OPCML: variants seen among roughly 807,000 people sequenced by gnomAD.
OPCML encodes the protein opioid-binding protein/cell adhesion molecule.
OPCML carries 13 observed loss-of-function variants against 37.8 expected under a neutral mutation model. The observed-to-expected ratio is 0.34, with a 90% CI of 0.22 to 0.55. The LOEUF (loss-of-function observed/expected upper bound fraction) is 0.55, where lower values mean the gene tolerates loss of function less well. Ranked by LOEUF, OPCML falls within the 20% of genes least tolerant of loss-of-function variation. The pLI is 0.91. For missense variants in OPCML, 341 were observed against 435.6 expected, an observed-to-expected ratio of 0.78 and a Z score of 1.93; for synonymous variants, 176 against 168.8, an observed-to-expected ratio of 1.04 and a Z score of -0.33.
chr11:133,124,121 G>A (rs191360135), intron 1 of OPCML, among the ~76,000 whole-genome samples: 4 of 151,994 alleles, frequency 2.6e-5, no homozygotes, highest in Non-Finnish European at 4.4e-5. Context: ...GCAAATGAGA[G>A]GGGGGATTAG....
chr11:132,830,478 G>T (rs1446124302), intron 2 of OPCML, among the ~76,000 whole-genome samples: 1 of 152,168 alleles, frequency 6.6e-6, no homozygotes, highest in African/African-American at 2.4e-5. Flanking sequence ...GCCCCTCCCT[G>T]CACTGGGACA....
rs1056400794 is a variant in OPCML, at chr11:133,420,732, G to A, written c.61+111532C>T. The A allele has an allele frequency of 6.1e-6, 6 of 985,268 alleles. No individual in the cohort carries two copies. The African/African-American group carries it at 1.0e-4, about 17-fold the overall frequency. The allele number at this position is 985,268 out of a possible 1,614,324, so 61.0% of individuals were successfully genotyped here. A position where few individuals can be genotyped will look rare whatever the true frequency, so the allele number is the denominator to read the frequency against. On this transcript the variant is annotated intron_variant, in intron 1 of 7. Transcript: ENST00000524381. ...TCCAGTGGCATGTCAAGGGCTTGGGGACTAGGTTTAAAAAGTAACTAGAAT... is the reference window on the plus strand; with the variant it reads ...TCCAGTGGCATGTCAAGGGCTTGGGAACTAGGTTTAAAAAGTAACTAGAAT...
chr11:132,820,216 G>A (rs1330160951), intron 2 of OPCML, among the ~76,000 whole-genome samples: 1 of 152,116 alleles, frequency 6.6e-6, no homozygotes, highest in African/African-American at 2.4e-5. Context: ...CTAGTTAATG[G>A]GGGTCCTGCT....
chr11:133,082,915 G>C, intron 1 of OPCML, among the ~76,000 whole-genome samples: 1 of 150,382 alleles, frequency 6.6e-6, no homozygotes, highest in East Asian at 2.0e-4. Flanking sequence ...CGCCGCAAGG[G>C]GGCGCCAGGG....
intron 4 of OPCML, among the ~76,000 whole-genome samples, chr11:132,513,677 T>G (rs950436493): frequency 6.6e-6 from 1 of 152,194 alleles, no homozygotes; most frequent in African/African-American, 2.4e-5. Flanking sequence ...ATTTTCCTTC[T>G]TTTGAATAAC....
chr11:132,918,404 G>C (rs1944677859), intron 2 of OPCML, among the ~76,000 whole-genome samples: 1 of 152,122 alleles, frequency 6.6e-6, no homozygotes, highest in Non-Finnish European at 1.5e-5. Context: ...AAGCTTCCCT[G>C]TACCTCCTGC....
At chr11:132,977,531 CTCATG>C (rs1254147243) in intron 1 of OPCML, among the ~76,000 whole-genome samples, 1 of 152,208 alleles carries the variant, frequency 6.6e-6, no homozygotes, top group Non-Finnish European at 1.5e-5. Context: ...CACGCATTCA[CTCATG>C]TGGCTCATGT....
chr11:133,299,251 G>A (rs916476154), intron 1 of OPCML: 1 of 152,208 alleles, frequency 6.6e-6, no homozygotes. Flanking sequence ...GGCAACTCTG[G>A]AGCCATTAAT....
intron 2 of OPCML, among the ~76,000 whole-genome samples, chr11:132,673,296 G>C (rs1012304146): frequency 5.3e-5 from 8 of 152,102 alleles, no homozygotes; most frequent in African/African-American, 1.9e-4. Flanking sequence ...AATGCATGAT[G>C]ATGATGATGA....
intron 1 of OPCML, among the ~76,000 whole-genome samples, chr11:133,029,789 A>G (rs1947631731): frequency 6.6e-6 from 1 of 152,188 alleles, no homozygotes; most frequent in South Asian, 2.1e-4. Flanking sequence ...CAGGATCACT[A>G]AAAGCCCAAA....
At chr11:132,681,910 G>A (rs143607598) in intron 2 of OPCML, among the ~76,000 whole-genome samples, 3,714 of 151,690 alleles carry the variant, frequency 0.024, 147 homozygotes, top group African/African-American at 0.079. Flanking sequence ...AGCCGAGATC[G>A]CGCCACTGCA....
At chr11:133,515,215 A>G (rs1948240095) in intron 1 of OPCML, among the ~76,000 whole-genome samples, 1 of 152,216 alleles carries the variant, frequency 6.6e-6, no homozygotes, top group Admixed American at 6.5e-5. Flanking sequence ...AGAGAAGGCC[A>G]TCTTCCACCA....
intron 2 of OPCML, among the ~76,000 whole-genome samples, chr11:132,711,347 G>T (rs542884733): frequency 2.9e-4 from 44 of 152,316 alleles, no homozygotes; most frequent in African/African-American, 9.9e-4. Context: ...ATTCAATAGG[G>T]CAAATGCAGG....
intron 2 of OPCML, among the ~76,000 whole-genome samples, chr11:132,835,911 T>C (rs1940975795): frequency 6.6e-6 from 1 of 152,198 alleles, no homozygotes; most frequent in Admixed American, 6.5e-5. Context: ...CAGGTGGGCC[T>C]TTACATGTGC....
At chr11:132,464,622 A>G (rs1480546929) in intron 4 of OPCML, among the ~76,000 whole-genome samples, 9 of 152,158 alleles carry the variant, frequency 5.9e-5, no homozygotes, top group Non-Finnish European at 1.3e-4. Flanking sequence ...TCCTCGCCTT[A>G]ACAAACTACT....
chr11:132,946,385 C>T (rs186641838), intron 1 of OPCML, among the ~76,000 whole-genome samples: 1 of 152,018 alleles, frequency 6.6e-6, no homozygotes, highest in African/African-American at 2.4e-5. Flanking sequence ...GTAACATAGT[C>T]GTTTATATTG....
chr11:132,564,657 G>A (rs562474248), intron 3 of OPCML, among the ~76,000 whole-genome samples: 12 of 152,208 alleles, frequency 7.9e-5, no homozygotes, highest in Admixed American at 2.0e-4. Context: ...TGATGTGAAG[G>A]CATTCATTTA....
At chr11:133,182,443 G>T (rs1035687148) in intron 1 of OPCML, among the ~76,000 whole-genome samples, 1 of 152,082 alleles carries the variant, frequency 6.6e-6, no homozygotes, top group African/African-American at 2.4e-5. Context: ...CTAACACCTT[G>T]CCAGCTGCCT....
intron 3 of OPCML, among the ~76,000 whole-genome samples, chr11:132,534,416 T>C (rs1451332696): frequency 2.0e-5 from 3 of 152,174 alleles, no homozygotes; most frequent in Non-Finnish European, 4.4e-5. Context: ...ATTTAATAGA[T>C]GCTTAATAAA....
Sources: gnomAD v4.1 joint callset for allele counts (sites outside exome capture counted in the v4.1 genomes callset) on GRCh38, gnomAD v4.1.1 for gene constraint, MANE v1.5 for transcripts, NCBI Gene and HGNC (gene_info 2026-07-23, HGNC 2026-07-21) for gene names.